DNAH17: variants seen among roughly 807,000 people sequenced by gnomAD.
DNAH17 encodes axonemal beta dynein heavy chain 17.
A neutral mutation model predicts 485.6 loss-of-function variants in DNAH17; 376 were observed. The observed-to-expected ratio is 0.77, with a 90% CI of 0.71 to 0.84. The LOEUF is 0.84. Ranked by LOEUF, DNAH17 falls within the 40% of genes least tolerant of loss-of-function variation. DNAH17 has a pLI of 0.00. For missense variants in DNAH17, 6,370 were observed against 5,839.3 expected, an observed-to-expected ratio of 1.09 and a Z score of -2.96; for synonymous variants, 3,031 against 2,405.9, an observed-to-expected ratio of 1.26 and a Z score of -7.60.
At chr17:78,446,591 G>A (rs1047109575) in intron 69 of DNAH17, among the ~76,000 whole-genome samples, 2 of 151,918 alleles carry the variant, frequency 1.3e-5, no homozygotes, top group Non-Finnish European at 2.9e-5. Flanking sequence ...GGGTCGTTTT[G>A]GCTGTTGTGA....
At chr17:78,486,725 C>A (rs1413269336) in intron 44 of DNAH17, among the ~76,000 whole-genome samples, 1 of 152,204 alleles carries the variant, frequency 6.6e-6, no homozygotes, top group Non-Finnish European at 1.5e-5. Flanking sequence ...GGGGGCTGTG[C>A]CCTCTCTGGG....
chr17:78,478,819 CCAT>C (rs2089222164), intron 51 of DNAH17: 1 of 548,580 alleles, frequency 1.8e-6, no homozygotes, highest in Non-Finnish European at 3.2e-6. Context: ...CATCACATCA[CCAT>C]CATCACGACC....
intron 17 of DNAH17, among the ~76,000 whole-genome samples, chr17:78,540,887 ATGGATGGG>A (rs1568222307): frequency 0.12 from 2 of 16 alleles, no homozygotes; most frequent in Non-Finnish European, 0.2. Context: ...GGATGGGTGG[ATGGATGGG>A]TGGGTGGGTG....
In DNAH17 at chr17:78,428,720, G is replaced by A. The variant is rs963445523; in HGVS notation, c.12406-13C>T. ...ATTCGTGGTAACCCTGAAAAAGAGGGCAGTTTGTAAGCAGAGGCAAAGCTG... is the reference window on the plus strand; with the variant it reads ...ATTCGTGGTAACCCTGAAAAAGAGGACAGTTTGTAAGCAGAGGCAAAGCTG... On this transcript the variant is annotated splice_polypyrimidine_tract_variant and intron_variant, in intron 76 of 80. Coordinates refer to ENST00000389840, the MANE Select transcript of DNAH17 (RefSeq NM_173628.4). The A allele has an allele frequency of 7.4e-6, 12 of 1,612,676 alleles. No individual in the cohort carries two copies. Among genetic ancestry groups the A allele is most frequent in the South Asian group, 2.2e-5 (2 of 91,070 alleles).
At chr17:78,498,428 C>T (rs1490389335) in intron 37 of DNAH17, among the ~76,000 whole-genome samples, 2 of 152,218 alleles carry the variant, frequency 1.3e-5, no homozygotes, top group African/African-American at 2.4e-5. Context: ...TCACCTGAGG[C>T]ATTTGTTTAA....
At chr17:78,454,145 T>C (rs974993776) in intron 64 of DNAH17, among the ~76,000 whole-genome samples, 1 of 152,178 alleles carries the variant, frequency 6.6e-6, no homozygotes, top group Non-Finnish European at 1.5e-5. Context: ...TCAACTGTGA[T>C]GAGAATACAG....
rs936794187 is a variant in DNAH17, at chr17:78,463,693, T to C, written c.8941-616A>G. The stretch of plus-strand genomic sequence containing the variant: ...CAGGTAATTCTGCAAATATTTATTG[T>C]TCATTACCAAGGCTGGGTCCTGGGA... On this transcript the variant is annotated intron_variant, in intron 56 of 80. Coordinates refer to ENST00000389840, the MANE Select transcript of DNAH17 (RefSeq NM_173628.4). Among the ~76,000 whole-genome samples the C allele has an allele frequency of 2.6e-5, 4 of 152,248 alleles. No homozygotes were observed. In the East Asian group the frequency reaches 7.7e-4, roughly 29 times the overall value.
chr17:78,472,830 C>T (rs534552524), intron 54 of DNAH17: 18 of 433,262 alleles, frequency 4.2e-5, no homozygotes, highest in Non-Finnish European at 8.5e-5. Flanking sequence ...GCCCCAGCTC[C>T]ACCCAGGTCA....
chr17:78,551,551 ATTC>A lies in DNAH17; in HGVS notation c.2372_2374del (p.Gly791_Ile792delinsVal). 4 of 1,613,690 alleles carry A rather than the reference ATTC, an allele frequency of 2.5e-6. No homozygotes were observed. The highest frequency in any genetic ancestry group is 1.3e-5 in the African/African-American group (1 of 75,038). ...CTTGCTTACCTTCATAGCCTGGGAA[ATTC>A]CTTCTATATTTTGTTTTGCCTTTTG... On this transcript the variant is annotated inframe_deletion, in exon 16 of 81. Transcript: ENST00000389840.
rs775010235 is a variant in DNAH17, at chr17:78,539,800, T to C, written c.2613A>G (p.Leu871=). The C allele has an allele frequency of 1.2e-6, 2 of 1,612,102 alleles. No individual in the cohort carries two copies. Among genetic ancestry groups the C allele is most frequent in the African/African-American group, 2.7e-5 (2 of 74,914 alleles). The change falls in exon 18 of 81, where the codon TTA becomes TTG. Residue 871 remains leucine (L), a synonymous_variant. Coordinates refer to ENST00000389840, the MANE Select transcript of DNAH17 (RefSeq NM_173628.4). ...DYVIYIDDMV[L]DEFDQFIRKS... ...TGCGAATGAACTGGTCAAATTCATCTAAGACCATGTCGTCAATGTAGATGA... is the reference window on the plus strand; with the variant it reads ...TGCGAATGAACTGGTCAAATTCATCCAAGACCATGTCGTCAATGTAGATGA...
In DNAH17 at chr17:78,431,754, C is replaced by A. The variant is rs2086684185; in HGVS notation, c.12225+2275G>T. ...AGAGGGAAGGTTGGCCAGCGCAGGC[C>A]ACATCAGGACACAGCTCCTCAGGAT... On this transcript the variant is annotated intron_variant, in intron 75 of 80. Transcript: ENST00000389840. Among the ~76,000 whole-genome samples the A allele has an allele frequency of 3.3e-5, 5 of 152,042 alleles. No individual in the cohort carries two copies. In the South Asian group the frequency reaches 1.0e-3, roughly 32 times the overall value.
intron 75 of DNAH17, among the ~76,000 whole-genome samples, chr17:78,431,174 C>T (rs193005107): frequency 2.9e-5 from 4 of 137,472 alleles, no homozygotes; most frequent in Admixed American, 1.5e-4. Flanking sequence ...CCACTGCACT[C>T]GGCTTAGTCT....
chr17:78,516,692 A>AG (rs1491544516), intron 25 of DNAH17, among the ~76,000 whole-genome samples: 1,091 of 51,010 alleles, frequency 0.021, 5 homozygotes, highest in Non-Finnish European at 0.035. Context: ...TCCATCTCAG[A>AG]AAAAAAAAAA....
Position 78,460,016 on chromosome 17 carries a change from C to T in DNAH17, c.9436-15G>A, listed in dbSNP as rs376569934. The T allele has an allele frequency of 3.5e-5, 56 of 1,611,892 alleles. No homozygotes were observed. The highest frequency in any genetic ancestry group is 2.0e-4 in the African/African-American group (15 of 74,912). ...GTCAGGTTGTTCTGCAAATGACAGA[C>T]GGGATGGGTCCGATGGGAGTTTGGA... is the stretch of plus-strand genomic sequence containing the variant. On this transcript the variant is annotated splice_polypyrimidine_tract_variant and intron_variant, in intron 59 of 80. Transcript: ENST00000389840.
At chr17:78,530,244 G>A (rs1290065500) in intron 21 of DNAH17, 99 bp downstream of exon 21, 2 of 1,393,016 alleles carry the variant, frequency 1.4e-6, no homozygotes, top group African/African-American at 2.9e-5. Flanking sequence ...TGCTACCCCA[G>A]AGGAGGCACC....
In DNAH17 at chr17:78,552,707, C is replaced by G; in HGVS notation, c.2277G>C (p.Trp759Cys). 1 of 1,613,650 alleles carries G rather than the reference C, an allele frequency of 6.2e-7. No homozygotes were observed. The highest frequency in any genetic ancestry group is 8.5e-7 in the Non-Finnish European group (1 of 1,179,596). The change falls in exon 15 of 81, where the codon TGG (tryptophan) becomes TGC (cysteine). Residue 759 changes from tryptophan to cysteine, a missense_variant. Transcript: ENST00000389840. ...ATGTGGCCTCCGTACCTTCGCCATT[C>G]CAGAATAATGTCGTTTCAGCGCTCA... ...KLLSAETTLF[W>C]NGEGVFQYIQ...
chr17:78,572,546 C>T (rs962894303), intron 3 of DNAH17, among the ~76,000 whole-genome samples, 155 bp downstream of exon 3: 2 of 151,704 alleles, frequency 1.3e-5, no homozygotes, highest in Non-Finnish European at 2.9e-5. Flanking sequence ...CCACCTAACG[C>T]ACCACCTTGC....
chr17:78,443,478 G>A (rs143178287), intron 71 of DNAH17, among the ~76,000 whole-genome samples: 126 of 152,232 alleles, frequency 8.3e-4, no homozygotes, highest in African/African-American at 2.8e-3. Context: ...CTCTCCTATC[G>A]GAGGAAAACA....
Position 78,484,739 on chromosome 17 carries a change from A to ACCCCCCCAGCCCCCCC in DNAH17, c.7649+128_7649+129insGGGGGGGCTGGGGGGG. 1.2e-5 allele frequency: 4 copies of ACCCCCCCAGCCCCCCC among 347,798 alleles called. 1 individual carries two copies. Among genetic ancestry groups the ACCCCCCCAGCCCCCCC allele is most frequent in the Non-Finnish European group, 4.6e-6 (1 of 219,170 alleles). The allele number at this position is 347,798 out of a possible 1,614,324, so 21.5% of individuals were successfully genotyped here. On this transcript the variant is annotated intron_variant, in intron 48 of 80. Transcript: ENST00000389840. ...CGTGTCTCCCTACCCACGTTGCAGCACCCCCCCCACCGCCCCACACCAGTC... is the reference window on the plus strand; with the variant it reads ...CGTGTCTCCCTACCCACGTTGCAGCACCCCCCCAGCCCCCCCCCCCCCCCACCGCCCCACACCAGTC...
Sources: gnomAD v4.1 joint callset for allele counts (sites outside exome capture counted in the v4.1 genomes callset) on GRCh38, gnomAD v4.1.1 for gene constraint, MANE v1.5 for transcripts, NCBI Gene and HGNC (gene_info 2026-07-23, HGNC 2026-07-21) for gene names.